Variants in RGS20 observed in about 807,000 individuals in gnomAD.
RGS20 encodes the protein regulator of G protein signaling 20.
Under a neutral mutation model 33.6 loss-of-function variants are expected in RGS20, and 30 were observed. The observed-to-expected ratio is 0.89, with a 90% confidence interval of 0.67 to 1.21. The LOEUF is 1.21. Among genes scored for constraint, RGS20 ranks in the 50% most tolerant of loss-of-function variants. RGS20 has a pLI of 0.00. For missense variants in RGS20, 472 were observed against 502.4 expected, an observed-to-expected ratio of 0.94 and a Z score of 0.58; for synonymous variants, 208 against 197.9, an observed-to-expected ratio of 1.05 and a Z score of -0.43.
intron 2 of RGS20, among the ~76,000 whole-genome samples, chr8:53,921,301 G>T (rs1813638684): frequency 6.6e-6 from 1 of 152,058 alleles, no homozygotes; most frequent in African/African-American, 2.4e-5. Context: ...AGTAATACTG[G>T]TCTCAGAGAA....
chr8:53,870,142 A>G (rs1374108604), intron 1 of RGS20, among the ~76,000 whole-genome samples: 1 of 152,198 alleles, frequency 6.6e-6, no homozygotes, highest in Non-Finnish European at 1.5e-5. Flanking sequence ...GTCAGTCTCC[A>G]TCCCACCTTT....
chr8:53,909,417 TTTG>T (rs907534108), intron 2 of RGS20, among the ~76,000 whole-genome samples: 80 of 150,812 alleles, frequency 5.3e-4, no homozygotes, highest in Non-Finnish European at 3.8e-4. Flanking sequence ...ATATGGCTAA[TTTG>T]TTGTTGTTGT....
intron 1 of RGS20, among the ~76,000 whole-genome samples, chr8:53,873,493 G>T (rs1812124093): frequency 6.6e-6 from 1 of 152,040 alleles, no homozygotes; most frequent in Non-Finnish European, 1.5e-5. Context: ...TACAATATTT[G>T]TCCTTTTGTG....
intron 1 of RGS20, among the ~76,000 whole-genome samples, chr8:53,856,267 G>A (rs2129266401): frequency 6.7e-6 from 1 of 149,820 alleles, no homozygotes; most frequent in African/African-American, 2.5e-5. Flanking sequence ...CCAGGCTGGA[G>A]TGCAGTGGCG....
chr8:53,939,287 G>A (rs991893222), intron 2 of RGS20, among the ~76,000 whole-genome samples: 1 of 152,148 alleles, frequency 6.6e-6, no homozygotes, highest in Non-Finnish European at 1.5e-5. Context: ...TCTTCAGTGC[G>A]TGTGTCTCTG....
intron 2 of RGS20, among the ~76,000 whole-genome samples, chr8:53,935,395 A>C (rs1294844876): frequency 3.9e-5 from 6 of 152,206 alleles, no homozygotes; most frequent in African/African-American, 1.4e-4. Context: ...AGAATCAAAT[A>C]GACACAATAA....
At chr8:53,946,421 T>A (rs17301329) in intron 3 of RGS20, 116,248 of 468,952 alleles carry the variant, frequency 0.25, 16,123 homozygotes, top group South Asian at 0.37. Flanking sequence ...CTAAGTATAA[T>A]TGAACACAAT....
At chr8:53,853,100 G>C (rs1439268101) in intron 1 of RGS20, among the ~76,000 whole-genome samples, 5 of 152,164 alleles carry the variant, frequency 3.3e-5, no homozygotes. Context: ...ATGGGATGTA[G>C]TGTCCAAGAG....
chr8:53,865,882 C>T (rs1811907639), intron 1 of RGS20, among the ~76,000 whole-genome samples: 1 of 152,214 alleles, frequency 6.6e-6, no homozygotes, highest in Non-Finnish European at 1.5e-5. Flanking sequence ...TACTGGATTA[C>T]AGGCATGAAC....
intron 2 of RGS20, among the ~76,000 whole-genome samples, chr8:53,885,667 C>A (rs967458557): frequency 2.6e-5 from 4 of 151,790 alleles, no homozygotes; most frequent in African/African-American, 9.7e-5. Flanking sequence ...TCTGGTCTTA[C>A]AAAGTTATTT....
At chr8:53,880,995 G>GAGAAGGC in intron 2 of RGS20, 2 of 1,594,274 alleles carry the variant, frequency 1.3e-6, no homozygotes, top group Non-Finnish European at 1.7e-6. Context: ...CTGCAATATT[G>GAGAAGGC]AGAAGGCACC....
At chr8:53,867,939 G>C (rs1811960109) in intron 1 of RGS20, among the ~76,000 whole-genome samples, 1 of 152,090 alleles carries the variant, frequency 6.6e-6, no homozygotes, top group Non-Finnish European at 1.5e-5. Flanking sequence ...TGCCCAGGCT[G>C]GTCTCAAATG....
chr8:53,947,648 C>T (rs2039892667), intron 4 of RGS20, among the ~76,000 whole-genome samples: 1 of 87,684 alleles, frequency 1.1e-5, no homozygotes, highest in African/African-American at 4.6e-5. Flanking sequence ...ATAGTACATA[C>T]ATTTATATAT....
chr8:53,859,384 T>G (rs964537596), intron 1 of RGS20, among the ~76,000 whole-genome samples: 3 of 152,230 alleles, frequency 2.0e-5, no homozygotes, highest in African/African-American at 7.2e-5. Context: ...TTTAGTATAC[T>G]GGTTTGTTTG....
At chr8:53,922,132 C>T (rs181729013) in intron 2 of RGS20, among the ~76,000 whole-genome samples, 215 of 151,944 alleles carry the variant, frequency 1.4e-3, no homozygotes, top group African/African-American at 4.5e-3. Context: ...ATTGAATTGT[C>T]GGTTTTTCCC....
chr8:53,871,616 C>CA (rs758318571), intron 1 of RGS20, among the ~76,000 whole-genome samples: 23 of 139,888 alleles, frequency 1.6e-4, no homozygotes, highest in South Asian at 7.1e-4. Flanking sequence ...GAGTCCATCT[C>CA]AAAAAAAAAA....
chr8:53,877,522 T>C lies in RGS20; in HGVS notation c.166-1736T>C, dbSNP rs1206047132. On this transcript the variant is annotated intron_variant, in intron 1 of 5. Coordinates refer to ENST00000297313, the MANE Select transcript of RGS20 (RefSeq NM_170587.4). The surrounding 1 kb of genome is among the most constrained non-coding windows in gnomAD (Gnocchi z 5.7). The stretch of plus-strand genomic sequence containing the variant: ...GACGAACGCTCAGCAGCTCGTTCCC[T>C]GGGCGCCAAGACCGATTTCCAAGTC... Among the ~76,000 whole-genome samples, 3 of 152,226 alleles carry C rather than the reference T, an allele frequency of 2.0e-5. No homozygotes were observed. Among genetic ancestry groups the C allele is most frequent in the Non-Finnish European group, 4.4e-5 (3 of 68,042 alleles).
At chr8:53,867,730 T>C (rs1404012233) in intron 1 of RGS20, among the ~76,000 whole-genome samples, 1 of 151,818 alleles carries the variant, frequency 6.6e-6, no homozygotes, top group Non-Finnish European at 1.5e-5. Context: ...CTTCTTTCTT[T>C]CTTTCCTTCT....
chr8:53,950,569 T>A (rs375358977), intron 4 of RGS20, among the ~76,000 whole-genome samples: 1 of 151,986 alleles, frequency 6.6e-6, no homozygotes, highest in East Asian at 1.9e-4. Context: ...TATATAAAAA[T>A]AAGTTAAAAT....
Sources: gnomAD v4.1 joint callset for allele counts (sites outside exome capture counted in the v4.1 genomes callset) on GRCh38, gnomAD v4.1.1 for gene constraint, Gnocchi (gnomAD v3.1) non-coding constraint, MANE v1.5 for transcripts, NCBI Gene and HGNC (gene_info 2026-07-23, HGNC 2026-07-21) for gene names.